The following CCDC171 variants were observed in gnomAD, a reference collection of about 807,000 sequenced individuals.
CCDC171 encodes the protein coiled-coil domain containing 171, also known as coiled-coil domain-containing protein 171.
A neutral mutation model predicts 168.2 loss-of-function variants in CCDC171; 177 were observed. The ratio of observed to expected loss-of-function variants is 1.05; its 90% CI spans 0.93 to 1.19. The LOEUF (loss-of-function observed/expected upper bound fraction) is 1.19. Among genes scored for constraint, CCDC171 ranks in the 50% most tolerant of loss-of-function variants. The pLI, the probability that CCDC171 is intolerant of heterozygous loss-of-function variation, is 0.00. For synonymous variants in CCDC171, 687 were observed against 540.8 expected, an observed-to-expected ratio of 1.27 and a Z score of -3.75; for missense variants, 1,991 against 1,539.0, an observed-to-expected ratio of 1.29 and a Z score of -4.91.
the CCDC171 span, among the ~76,000 whole-genome samples, chr9:16,103,418 G>T: frequency 6.6e-6 from 1 of 152,174 alleles, no homozygotes; most frequent in Non-Finnish European, 1.5e-5. Context: ...ATCTGTAAGG[G>T]GGAAGACAAC....
chr9:15,743,138 C>CTTTT (rs66642691), intron 16 of CCDC171, among the ~76,000 whole-genome samples: 24 of 73,262 alleles, frequency 3.3e-4, no homozygotes, highest in African/African-American at 8.5e-4. Context: ...CTGTTACCTT[C>CTTTT]TTTTTTTTTT....
At chr9:15,809,258 G>A (rs769056458) in intron 21 of CCDC171, among the ~76,000 whole-genome samples, 1 of 152,324 alleles carries the variant, frequency 6.6e-6, no homozygotes. Context: ...TATTTTCAAT[G>A]TATGTAGTGG....
At chr9:16,093,838 G>T in the CCDC171 span, among the ~76,000 whole-genome samples, 1 of 152,164 alleles carries the variant, frequency 6.6e-6, no homozygotes, top group Non-Finnish European at 1.5e-5. Context: ...CAACTAGCTC[G>T]TGGATATAGA....
At chr9:15,586,431 CAAATGGATGAGG>C (rs2041564520) in intron 4 of CCDC171, among the ~76,000 whole-genome samples, 1 of 152,058 alleles carries the variant, frequency 6.6e-6, no homozygotes. Context: ...AGCTGGAAAG[CAAATGGATGAGG>C]AATAACTGAG....
chr9:16,021,866 C>G (rs1374099735), intron 4 of CCDC171, among the ~76,000 whole-genome samples: 1 of 152,162 alleles, frequency 6.6e-6, no homozygotes, highest in Non-Finnish European at 1.5e-5. Context: ...TGAGTGAGGC[C>G]CATGCAGAAT....
chr9:15,937,115 A>G (rs1827205426), intron 25 of CCDC171, among the ~76,000 whole-genome samples: 1 of 152,084 alleles, frequency 6.6e-6, no homozygotes, highest in African/African-American at 2.4e-5. Flanking sequence ...CCTTTAATTC[A>G]GTTTTATTTC....
At chr9:15,621,951 T>C (rs1267000863) in intron 6 of CCDC171, among the ~76,000 whole-genome samples, 1 of 152,144 alleles carries the variant, frequency 6.6e-6, no homozygotes, top group Non-Finnish European at 1.5e-5. Context: ...TATGCAGCCA[T>C]AAAAAAGAAT....
chr9:15,677,855 GTA>G (rs201308668), intron 9 of CCDC171, among the ~76,000 whole-genome samples: 8 of 66,602 alleles, frequency 1.2e-4, no homozygotes, highest in South Asian at 5.7e-4. Flanking sequence ...GTGTGTGTAT[GTA>G]TATATATATG....
intron 6 of CCDC171, among the ~76,000 whole-genome samples, chr9:15,609,995 TGAGA>T (rs1378950594): frequency 6.6e-6 from 1 of 152,198 alleles, no homozygotes; most frequent in Admixed American, 6.5e-5. Context: ...TCTTATTTTC[TGAGA>T]GATTTTCTCA....
At chr9:15,999,279 AAAGG>A (rs1832466030) in intron 3 of CCDC171, among the ~76,000 whole-genome samples, 1 of 150,888 alleles carries the variant, frequency 6.6e-6, no homozygotes, top group South Asian at 2.1e-4. Context: ...AGAAAGAAAG[AAAGG>A]AGGGAGGGAG....
intron 6 of CCDC171, among the ~76,000 whole-genome samples, chr9:15,619,873 C>G (rs1423510783): frequency 6.6e-6 from 1 of 152,088 alleles, no homozygotes; most frequent in Non-Finnish European, 1.5e-5. Flanking sequence ...GAAGCCATTG[C>G]TCATTTACCA....
chr9:15,753,186 A>G (rs2055874523), intron 18 of CCDC171, among the ~76,000 whole-genome samples: 2 of 152,108 alleles, frequency 1.3e-5, no homozygotes, highest in Non-Finnish European at 2.9e-5. Context: ...ACAAGAATCT[A>G]CAGAAGGTGC....
At chr9:15,881,713 A>T (rs921159821) in intron 24 of CCDC171, among the ~76,000 whole-genome samples, 1 of 152,178 alleles carries the variant, frequency 6.6e-6, no homozygotes, top group Non-Finnish European at 1.5e-5. Flanking sequence ...TATGAGTCAG[A>T]ACATGCAATA....
At position 15,973,960 on chromosome 9, in the gene CCDC171, A is replaced by C. The variant is rs1831546015; in HGVS notation, c.*2124A>C. The C allele has an allele frequency of 6.6e-6, 1 of 152,174 alleles. No individual in the cohort carries two copies. The highest frequency in any genetic ancestry group is 1.9e-4 in the East Asian group (1 of 5,194). 9.4% of individuals were successfully genotyped at this position (152,174 alleles called of 1,614,324 possible). A position where few individuals can be genotyped will look rare whatever the true frequency, so the allele number is the denominator to read the frequency against. ...CAGCTTTGTAAAATGTGCCTTGGAA[A>C]GGCCTTGGTCTTCTTGCCTTGATTT... On this transcript the variant is annotated 3_prime_UTR_variant, in exon 26 of 26. Coordinates refer to ENST00000380701, the MANE Select transcript of CCDC171 (RefSeq NM_173550.4).
the CCDC171 span, among the ~76,000 whole-genome samples, chr9:16,095,533 G>A: frequency 6.0e-5 from 9 of 151,196 alleles, no homozygotes; most frequent in East Asian, 1.9e-4. Flanking sequence ...TCACACACAC[G>A]CTCTCTCTTT....
intron 23 of CCDC171, among the ~76,000 whole-genome samples, chr9:15,854,480 T>C (rs1245754928): frequency 6.6e-6 from 1 of 151,676 alleles, no homozygotes; most frequent in East Asian, 1.9e-4. Context: ...ACTTTTCTCT[T>C]GGTCAGTCTA....
chr9:15,899,350 T>C (rs1422264873), intron 24 of CCDC171, among the ~76,000 whole-genome samples: 1 of 127,726 alleles, frequency 7.8e-6, no homozygotes, highest in East Asian at 2.0e-4. Context: ...CTAGGATAAG[T>C]ACTGAGGAAT....
chr9:15,754,362 G>A (rs1303971800), intron 18 of CCDC171, among the ~76,000 whole-genome samples: 1 of 152,056 alleles, frequency 6.6e-6, no homozygotes, highest in Non-Finnish European at 1.5e-5. Context: ...GCCTATAAAT[G>A]AAGATATTAT....
chr9:15,553,907 G>C lies in CCDC171; in HGVS notation c.-112+605G>C, dbSNP rs571246527. Among the ~76,000 whole-genome samples the C allele has an allele frequency of 2.0e-5, 3 of 152,244 alleles. No homozygotes were observed. In the East Asian group the frequency reaches 5.8e-4, roughly 29 times the overall value. On this transcript the variant is annotated intron_variant, in intron 1 of 25. Coordinates refer to ENST00000380701, the MANE Select transcript of CCDC171 (RefSeq NM_173550.4). ...TCATGTATACATTTTAGGTAAATGA[G>C]ATAAATACGTCTTTATTTTGTTTAT...
Sources: gnomAD v4.1 joint callset for allele counts (sites outside exome capture counted in the v4.1 genomes callset) on GRCh38, gnomAD v4.1.1 for gene constraint, MANE v1.5 for transcripts, NCBI Gene and HGNC (gene_info 2026-07-23, HGNC 2026-07-21) for gene names.